USP35: variants seen among roughly 807,000 people sequenced by gnomAD.
USP35 encodes ubiquitin specific peptidase 35.
USP35 carries 69 observed loss-of-function variants against 83.8 expected under a neutral mutation model. The ratio of observed to expected loss-of-function variants is 0.82; its 90% CI spans 0.68 to 1.01. The LOEUF (loss-of-function observed/expected upper bound fraction) is 1.01. USP35 is among the 50% of genes least tolerant of loss of function. USP35 has a pLI of 0.00. For missense variants in USP35, 1,503 were observed against 1,362.5 expected, an observed-to-expected ratio of 1.10 and a Z score of -1.62; for synonymous variants, 714 against 589.5, an observed-to-expected ratio of 1.21 and a Z score of -3.06.
the USP35 span, among the ~76,000 whole-genome samples, chr11:78,221,468 C>G: frequency 1.3e-5 from 2 of 152,196 alleles, no homozygotes; most frequent in South Asian, 4.1e-4. Context: ...TTCGTTGGGA[C>G]AGGTCTCATG....
At chr11:78,219,095 T>C (rs1301580021), downstream of USP35, 1 of 610,278 alleles carries the variant, frequency 1.6e-6, no homozygotes, top group South Asian at 2.2e-5. Flanking sequence ...GGTGCCTTGA[T>C]CAGGCCCTCA....
intron 8 of USP35, 104 bp downstream of exon 8, chr11:78,207,727 C>A: frequency 1.7e-6 from 2 of 1,189,286 alleles, no homozygotes; most frequent in Non-Finnish European, 1.2e-6. Context: ...TGGCTGTCAT[C>A]TCCCATGTCA....
the USP35 span, among the ~76,000 whole-genome samples, chr11:78,228,476 CATA>C: frequency 1.2e-3 from 185 of 152,264 alleles, no homozygotes; most frequent in African/African-American, 4.3e-3. Flanking sequence ...GGCTGTAATA[CATA>C]ATAGCCCTCT....
In USP35 at chr11:78,207,632, A is replaced by T. The variant is rs376230027; in HGVS notation, c.1485+9A>T. ...TCCTAGAACACAGCCAGGTGAGTGTAGGGGCAGTCAGAGGGGGGTGGAGAG... is the reference window on the plus strand; with the variant it reads ...TCCTAGAACACAGCCAGGTGAGTGTTGGGGCAGTCAGAGGGGGGTGGAGAG... On this transcript the variant is annotated intron_variant, in intron 8 of 10. Coordinates refer to ENST00000529308, the MANE Select transcript of USP35 (RefSeq NM_020798.4). 2.6e-5 allele frequency: 42 copies of T among 1,613,294 alleles called. 1 individual carries two copies. The Middle Eastern group carries it at 8.3e-4, about 32-fold the overall frequency.
intron 10 of USP35, among the ~76,000 whole-genome samples, chr11:78,212,997 G>C (rs561872674): frequency 2.4e-4 from 36 of 152,318 alleles, no homozygotes; most frequent in African/African-American, 8.7e-4. Flanking sequence ...CTGAGCAGCT[G>C]GAACAGCATG....
Position 78,197,949 on chromosome 11 carries a change from A to T in USP35, c.687A>T (p.Pro229=). The T allele has an allele frequency of 6.2e-7, 1 of 1,614,150 alleles. No homozygotes were observed. The highest frequency in any genetic ancestry group is 8.5e-7 in the Non-Finnish European group (1 of 1,179,994). The part of the protein sequence containing the change: ...AVISCAEEEP[P]SSALASVVQH... ...CCCCTGTTCCAGAGGAGGAGCCACCATCTAGCGCCCTGGCCAGCGTGGTCC... is the reference window on the plus strand; with the variant it reads ...CCCCTGTTCCAGAGGAGGAGCCACCTTCTAGCGCCCTGGCCAGCGTGGTCC... Residue 229 remains proline, a synonymous_variant, in exon 3 of 11, where the codon CCA becomes CCT. Coordinates refer to ENST00000529308, the MANE Select transcript of USP35 (RefSeq NM_020798.4).
At position 78,200,186 on chromosome 11, in the gene USP35, C is replaced by T; in HGVS notation, c.990C>T (p.Leu330=). 17 of 1,614,224 alleles carry T rather than the reference C, an allele frequency of 1.1e-5. No individual in the cohort carries two copies. The highest frequency in any genetic ancestry group is 1.4e-5 in the Non-Finnish European group (17 of 1,180,020). Residue 330 remains leucine (L), a synonymous_variant, in exon 5 of 11, where the codon CTC becomes CTT. Coordinates refer to ENST00000529308, the MANE Select transcript of USP35 (RefSeq NM_020798.4). The stretch of plus-strand genomic sequence containing the variant: ...TCCGGGGAGCTGCCTTGTCTGTGCT[C>T]AAGTACATGCTCCTGACCTTCCAGC... ...PIVRGAALSV[L]KYMLLTFQHS...
Position 78,213,634 on chromosome 11 carries a change from C to T in USP35, c.2890-12C>T. 1.4e-6 allele frequency: 2 copies of T among 1,474,890 alleles called. No homozygotes were observed. Among genetic ancestry groups the T allele is most frequent in the South Asian group, 1.5e-5 (1 of 67,822 alleles). 91.4% of individuals were successfully genotyped at this position (1,474,890 alleles called of 1,614,324 possible). On this transcript the variant is annotated splice_polypyrimidine_tract_variant and intron_variant, in intron 10 of 10. Coordinates refer to ENST00000529308, the MANE Select transcript of USP35 (RefSeq NM_020798.4). Reference sequence around the variant, plus strand: ...ATTCTAAGTCTAAGTCTCCTCTCATCTGTGTTCCCAGGAGCAGGAGAAGGA... The same window carrying T: ...ATTCTAAGTCTAAGTCTCCTCTCATTTGTGTTCCCAGGAGCAGGAGAAGGA...
At chr11:78,194,368 A>C (rs1468673247) in intron 1 of USP35, among the ~76,000 whole-genome samples, 1 of 152,158 alleles carries the variant, frequency 6.6e-6, no homozygotes, top group African/African-American at 2.4e-5. Context: ...GGGTTCCAGA[A>C]TATCTGTGAT....
intron 1 of USP35, among the ~76,000 whole-genome samples, chr11:78,193,836 CT>C: frequency 6.6e-6 from 1 of 152,198 alleles, no homozygotes; most frequent in East Asian, 1.9e-4. Flanking sequence ...TGAACTTTTT[CT>C]TTTCTTTTTT....
At chr11:78,205,746 T>G in intron 6 of USP35, 96 bp from the exon 7 acceptor site, 1 of 1,378,976 alleles carries the variant, frequency 7.3e-7, no homozygotes. Flanking sequence ...GGCCTTGGGG[T>G]TGGCTGTATC....
the USP35 span, among the ~76,000 whole-genome samples, chr11:78,234,684 T>C: frequency 2.0e-5 from 3 of 151,424 alleles, no homozygotes; most frequent in Admixed American, 6.6e-5. Flanking sequence ...CTAATTCTTC[T>C]AGTGATCTAC....
At chr11:78,222,870 C>T in the USP35 span, among the ~76,000 whole-genome samples, 4 of 152,154 alleles carry the variant, frequency 2.6e-5, no homozygotes, top group South Asian at 2.1e-4. Flanking sequence ...GGCGTACAGG[C>T]GTGAGCCATG....
At chr11:78,205,771 A>T in intron 6 of USP35, 71 bp from the exon 7 acceptor site, 2 of 1,533,444 alleles carry the variant, frequency 1.3e-6, no homozygotes, top group Non-Finnish European at 1.8e-6. Flanking sequence ...AAGGCCTCCC[A>T]GAAGAGGTGG....
At chr11:78,221,732 G>T in the USP35 span, 1 of 1,613,844 alleles carries the variant, frequency 6.2e-7, no homozygotes, top group East Asian at 2.2e-5. Flanking sequence ...GATGCTCTGG[G>T]TGGAGATGGG....
chr11:78,223,650 C>T, the USP35 span: 37 of 1,606,898 alleles, frequency 2.3e-5, no homozygotes, highest in African/African-American at 2.0e-4. Flanking sequence ...TGGTGCTGTC[C>T]GATCGGCCCA....
intron 8 of USP35, 109 bp downstream of exon 8, chr11:78,207,732 A>C: frequency 8.8e-7 from 1 of 1,137,212 alleles, no homozygotes; most frequent in Non-Finnish European, 1.3e-6. Flanking sequence ...GTCATCTCCC[A>C]TGTCAGTTGC....
chr11:78,193,300 C>T (rs1241631082), intron 1 of USP35, among the ~76,000 whole-genome samples: 1 of 152,056 alleles, frequency 6.6e-6, no homozygotes, highest in East Asian at 1.9e-4. Context: ...CTCAAGTGAG[C>T]CTCCTGTCTC....
the USP35 span, among the ~76,000 whole-genome samples, chr11:78,230,839 G>C: frequency 1.3e-5 from 2 of 152,232 alleles, no homozygotes; most frequent in Admixed American, 1.3e-4. Flanking sequence ...CAATAATCTA[G>C]ATGGGGAATT....
Sources: gnomAD v4.1 joint callset for allele counts (sites outside exome capture counted in the v4.1 genomes callset) on GRCh38, gnomAD v4.1.1 for gene constraint, MANE v1.5 for transcripts, NCBI Gene and HGNC (gene_info 2026-07-23, HGNC 2026-07-21) for gene names.